MARCHF1: variants seen among roughly 807,000 people sequenced by gnomAD.
MARCHF1 encodes E3 ubiquitin-protein ligase MARCHF1.
In MARCHF1, 40 loss-of-function variants were observed where a neutral mutation model predicts 54.2. The ratio of observed to expected loss-of-function variants is 0.74; its 90% CI spans 0.57 to 0.96. The LOEUF (loss-of-function observed/expected upper bound fraction) is 0.96. MARCHF1 is among the 40% of genes least tolerant of loss of function. The pLI is 0.00. For missense variants in MARCHF1, 586 were observed against 656.5 expected, an observed-to-expected ratio of 0.89 and a Z score of 1.17; for synonymous variants, 236 against 236.3, an observed-to-expected ratio of 1.00 and a Z score of 0.01.
intron 2 of MARCHF1, among the ~76,000 whole-genome samples, chr4:164,063,977 G>A (rs2111074623): frequency 6.6e-6 from 1 of 152,234 alleles, no homozygotes; most frequent in East Asian, 1.9e-4. Context: ...TTGTATGTGT[G>A]TGGTCTTATT....
intron 1 of MARCHF1, among the ~76,000 whole-genome samples, chr4:164,123,289 T>C (rs1052220218): frequency 1.3e-5 from 2 of 152,036 alleles, no homozygotes; most frequent in Admixed American, 6.6e-5. Context: ...TGTAAAACAC[T>C]GATGAAAGCA....
intron 2 of MARCHF1, among the ~76,000 whole-genome samples, chr4:164,054,524 C>G (rs1285780617): frequency 3.9e-5 from 6 of 152,080 alleles, no homozygotes; most frequent in Middle Eastern, 3.4e-3. Context: ...TGGAACCAAC[C>G]CAAATGTCCA....
intron 1 of MARCHF1, among the ~76,000 whole-genome samples, chr4:164,214,552 A>C (rs1270346394): frequency 6.6e-6 from 1 of 152,210 alleles, no homozygotes; most frequent in Non-Finnish European, 1.5e-5. Flanking sequence ...AATGGTAGAC[A>C]TAGATCCAAG....
intron 1 of MARCHF1, among the ~76,000 whole-genome samples, chr4:164,342,095 AAAATTC>A (rs1729947554): frequency 6.6e-6 from 1 of 152,206 alleles, no homozygotes; most frequent in Non-Finnish European, 1.5e-5. Context: ...AGAAAATCAC[AAAATTC>A]AAAGCAAAAA....
chr4:163,966,300 A>G (rs1579427558), intron 3 of MARCHF1, among the ~76,000 whole-genome samples: 1 of 152,078 alleles, frequency 6.6e-6, no homozygotes, highest in East Asian at 1.9e-4. Context: ...ATTCCCCACC[A>G]TTAAAAAAAA....
intron 3 of MARCHF1, among the ~76,000 whole-genome samples, chr4:163,904,801 G>GAGAGAGAT (rs1553962324): frequency 2.0e-5 from 3 of 151,736 alleles, no homozygotes; most frequent in Non-Finnish European, 4.4e-5. Flanking sequence ...AAGAGAGAGA[G>GAGAGAGAT]AGAGAGACAG....
chr4:163,585,727 C>T, intron 8 of MARCHF1, 22 bp downstream of exon 8: 3 of 1,525,012 alleles, frequency 2.0e-6, no homozygotes, highest in Non-Finnish European at 2.6e-6. Flanking sequence ...CCCTCCCAAA[C>T]CAATTCCTAT....
intron 4 of MARCHF1, among the ~76,000 whole-genome samples, chr4:163,751,133 TTGTGTGTGTGTGTGTGTGTG>T (rs70948664): frequency 1.4e-5 from 2 of 147,288 alleles, no homozygotes; most frequent in African/African-American, 2.5e-5. Context: ...TATTACCACT[TTGTGTGTGTGTGTGTGTGTG>T]TGTGTGTGTG....
intron 2 of MARCHF1, among the ~76,000 whole-genome samples, chr4:164,021,018 A>G (rs1443198834): frequency 6.6e-6 from 1 of 151,472 alleles, no homozygotes; most frequent in Non-Finnish European, 1.5e-5. Flanking sequence ...AAGGACAAAA[A>G]TAGAAGTGAG....
At chr4:163,737,419 A>T (rs1355917034) in intron 4 of MARCHF1, among the ~76,000 whole-genome samples, 1 of 54,404 alleles carries the variant, frequency 1.8e-5, no homozygotes, top group African/African-American at 5.5e-5. Context: ...TCCTGTGTCC[A>T]TGTGATCTCA....
intron 2 of MARCHF1, among the ~76,000 whole-genome samples, chr4:164,072,455 G>C (rs1464976420): frequency 6.6e-6 from 1 of 152,074 alleles, no homozygotes; most frequent in African/African-American, 2.4e-5. Context: ...CAGCTACTCA[G>C]GAGGCTGAGG....
At chr4:164,103,838 G>C (rs371145324) in intron 2 of MARCHF1, among the ~76,000 whole-genome samples, 51,409 of 128,644 alleles carry the variant, frequency 0.4, 9,574 homozygotes, top group Non-Finnish European at 0.46. Context: ...CTGGTTTTTT[G>C]AAAGGATCAA....
intron 4 of MARCHF1, among the ~76,000 whole-genome samples, chr4:163,770,926 T>G (rs537556460): frequency 1.3e-5 from 2 of 152,360 alleles, no homozygotes; most frequent in South Asian, 4.1e-4. Flanking sequence ...ATTGCAAAAT[T>G]AAAACTTAAT....
intron 1 of MARCHF1, among the ~76,000 whole-genome samples, chr4:164,365,090 T>G (rs1463621622): frequency 1.3e-5 from 2 of 151,978 alleles, no homozygotes; most frequent in Non-Finnish European, 2.9e-5. Flanking sequence ...TACTATGTCT[T>G]CATCATTCCC....
chr4:164,266,424 A>G (rs1036016349), intron 1 of MARCHF1, among the ~76,000 whole-genome samples: 1 of 152,224 alleles, frequency 6.6e-6, no homozygotes, highest in African/African-American at 2.4e-5. Context: ...AACCAATTAC[A>G]TTTTCAACTT....
chr4:163,943,863 A>T (rs1050773307), intron 3 of MARCHF1, among the ~76,000 whole-genome samples: 16 of 152,074 alleles, frequency 1.1e-4, no homozygotes, highest in Non-Finnish European at 2.1e-4. Flanking sequence ...ACAGAATGTT[A>T]AGTGTTATAT....
intron 2 of MARCHF1, among the ~76,000 whole-genome samples, chr4:164,085,732 T>C (rs1755179913): frequency 6.6e-6 from 1 of 151,878 alleles, no homozygotes; most frequent in Non-Finnish European, 1.5e-5. Flanking sequence ...AGGGCAAATA[T>C]TGATAATCAT....
intron 5 of MARCHF1, among the ~76,000 whole-genome samples, chr4:163,680,826 T>C (rs893915994): frequency 6.6e-6 from 1 of 152,132 alleles, no homozygotes; most frequent in Non-Finnish European, 1.5e-5. Context: ...ACAACACTTA[T>C]TGAAGTTTAC....
chr4:163,771,823 C>T (rs1340831750), intron 4 of MARCHF1, among the ~76,000 whole-genome samples: 1 of 152,148 alleles, frequency 6.6e-6, no homozygotes, highest in Non-Finnish European at 1.5e-5. Flanking sequence ...TTACATTTTC[C>T]CCCTTTCAGG....
Sources: allele counts gnomAD v4.1 joint callset (sites outside exome capture counted in the v4.1 genomes callset), GRCh38; gene constraint gnomAD v4.1.1; transcripts MANE v1.5; gene names NCBI Gene and HGNC (gene_info 2026-07-23, HGNC 2026-07-21).